Variants in PDE4D observed in about 807,000 individuals in gnomAD.
PDE4D encodes the protein 3',5'-cyclic-AMP phosphodiesterase 4D.
PDE4D carries 24 observed loss-of-function variants against 87.4 expected under a neutral mutation model. The ratio of observed to expected loss-of-function variants is 0.27; its 90% CI spans 0.20 to 0.39. The LOEUF is 0.39. PDE4D is among the 10% of genes least tolerant of loss of function. The probability of loss-of-function intolerance (pLI) is 1.00; values close to 1 mark genes in which losing one functional copy is unlikely to be tolerated. For synonymous variants in PDE4D, 384 were observed against 383.2 expected (o/e 1.00, Z -0.02); for missense variants, 714 against 1,041.0 (o/e 0.69, Z 4.32).
At chr5:59,481,043 C>T (rs1323659362) in intron 1 of PDE4D, among the ~76,000 whole-genome samples, 2 of 152,068 alleles carry the variant, frequency 1.3e-5, no homozygotes, top group Admixed American at 1.3e-4. Context: ...AGTAGAAGTC[C>T]TAACAAGGCC....
chr5:60,077,644 T>A (rs1293904335), intron 2 of PDE4D, among the ~76,000 whole-genome samples: 2 of 152,054 alleles, frequency 1.3e-5, no homozygotes, highest in African/African-American at 4.8e-5. Flanking sequence ...AGGGCTACAG[T>A]CTCCTATGGA....
chr5:60,452,136 C>T (rs190520614), intron 1 of PDE4D, among the ~76,000 whole-genome samples: 32 of 152,078 alleles, frequency 2.1e-4, no homozygotes, highest in Non-Finnish European at 3.4e-4. Flanking sequence ...GAAGAAAAGC[C>T]TCAGGATTTG....
chr5:59,435,398 TG>T (rs1483682763), intron 1 of PDE4D, among the ~76,000 whole-genome samples: 10 of 152,210 alleles, frequency 6.6e-5, no homozygotes, highest in African/African-American at 2.4e-4. Flanking sequence ...CACTTGGTAG[TG>T]TCTTTCCTGT....
At chr5:60,114,557 G>A (rs533005356) in intron 2 of PDE4D, among the ~76,000 whole-genome samples, 1 of 152,142 alleles carries the variant, frequency 6.6e-6, no homozygotes, top group South Asian at 2.1e-4. Flanking sequence ...ACAAACCAGA[G>A]AACATAATTA....
intron 1 of PDE4D, among the ~76,000 whole-genome samples, chr5:60,418,303 T>C (rs37708): frequency 0.34 from 52,059 of 151,970 alleles, 9,371 homozygotes; most frequent in South Asian, 0.51. Flanking sequence ...ATATGTTATA[T>C]CCCTATTTTT....
At position 59,113,658 on chromosome 5, in the gene PDE4D, C is replaced by T. The variant is rs180942542; in HGVS notation, c.808+66937G>A. 2.3e-3 allele frequency among the ~76,000 whole-genome samples: 349 copies of T among 152,246 alleles called. 1 individual carries two copies. Among genetic ancestry groups the T allele is most frequent in the Admixed American group, 3.9e-3 (59 of 15,288 alleles). ...CTGGTAGAAAGGATGCCCTAGGGTA[C>T]AACAAAAGGCAGATAAGCATTGTGT... is the stretch of plus-strand genomic sequence containing the variant. On this transcript the variant is annotated intron_variant, in intron 5 of 14. Transcript: ENST00000340635.
In PDE4D at chr5:59,031,362, GATATATAT is replaced by G. The variant is rs137969980; in HGVS notation, c.921+7489_921+7496del. 5.7e-4 allele frequency among the ~76,000 whole-genome samples: 64 copies of G among 111,868 alleles called. 1 individual carries two copies. The highest frequency in any genetic ancestry group is 7.0e-4 in the Non-Finnish European group (40 of 57,370). 73.4% of individuals were successfully genotyped at this position (111,868 alleles called of 152,430 possible). On this transcript the variant is annotated intron_variant, in intron 6 of 14. Coordinates refer to ENST00000340635, the MANE Select transcript of PDE4D (RefSeq NM_001104631.2). ...CATCAAGTGTGCATAAAGAAAATGT[GATATATAT>G]ATATATATATATATATATATATTAT...
intron 1 of PDE4D, among the ~76,000 whole-genome samples, chr5:59,547,290 T>C (rs2153686285): frequency 6.6e-6 from 1 of 152,286 alleles, no homozygotes; most frequent in South Asian, 2.1e-4. Flanking sequence ...TGAACTTCTA[T>C]CAGTTTTTTA....
rs530123806 is a variant in PDE4D at position 59,163,404 on chromosome 5, C to T, written c.808+17191G>A. 3.1e-3 allele frequency among the ~76,000 whole-genome samples: 464 copies of T among 150,986 alleles called. 2 individuals are homozygous for T. The highest frequency in any genetic ancestry group is 0.011 in the African/African-American group (441 of 41,122). ...CTCCTGCCTCAGTCTCCCGAGTAGC[C>T]GGGATTACAGGCATGTGCCACCACG... is the stretch of plus-strand genomic sequence containing the variant. On this transcript the variant is annotated intron_variant, in intron 5 of 14. Coordinates refer to ENST00000340635, the MANE Select transcript of PDE4D (RefSeq NM_001104631.2).
At chr5:59,873,564 C>T (rs1208777128) in intron 1 of PDE4D, among the ~76,000 whole-genome samples, 1 of 152,156 alleles carries the variant, frequency 6.6e-6, no homozygotes. Flanking sequence ...GTGAAATTAG[C>T]AATATTTTAC....
chr5:59,308,467 C>T (rs1304848346), intron 1 of PDE4D, among the ~76,000 whole-genome samples: 1 of 152,008 alleles, frequency 6.6e-6, no homozygotes, highest in African/African-American at 2.4e-5. Flanking sequence ...CTGAAAAAGA[C>T]TGTATCTTTC....
chr5:59,660,190 A>AAAATAAATAAAT (rs201345419), intron 1 of PDE4D, among the ~76,000 whole-genome samples: 1 of 151,620 alleles, frequency 6.6e-6, no homozygotes, highest in African/African-American at 2.4e-5. Context: ...CTCTGTCGCC[A>AAAATAAATAAAT]AAATAAATAA....
chr5:59,248,789 G>A (rs1759371384), intron 1 of PDE4D, among the ~76,000 whole-genome samples: 1 of 151,946 alleles, frequency 6.6e-6, no homozygotes. Context: ...AGCAAAGTAG[G>A]GCACATGTAA....
In PDE4D at chr5:59,678,101, C is replaced by T. The variant is rs189527674; in HGVS notation, c.455+215067G>A. ...CTAAAATGATAAACTCATCCTCTAA[C>T]AATTGATCAAATACCTTAAACTCAG... On this transcript the variant is annotated intron_variant, in intron 1 of 14. Coordinates refer to ENST00000340635, the MANE Select transcript of PDE4D (RefSeq NM_001104631.2). 4.4e-4 allele frequency among the ~76,000 whole-genome samples: 67 copies of T among 152,242 alleles called. 1 individual carries two copies. The highest frequency in any genetic ancestry group is 2.9e-3 in the Admixed American group (44 of 15,298).
At chr5:59,400,638 A>G (rs1369979742) in intron 1 of PDE4D, among the ~76,000 whole-genome samples, 1 of 150,830 alleles carries the variant, frequency 6.6e-6, no homozygotes, top group East Asian at 2.0e-4. Context: ...ATGCTAGATG[A>G]CGAGTTAGTG....
intron 1 of PDE4D, among the ~76,000 whole-genome samples, chr5:60,484,160 A>C (rs191527387): frequency 6.6e-6 from 1 of 151,778 alleles, no homozygotes; most frequent in Admixed American, 6.6e-5. Flanking sequence ...CCTTAGCAAA[A>C]TTTAATAATG....
At chr5:59,488,791 G>A (rs1296687683) in intron 1 of PDE4D, among the ~76,000 whole-genome samples, 3 of 151,500 alleles carry the variant, frequency 2.0e-5, no homozygotes, top group Non-Finnish European at 4.4e-5. Flanking sequence ...GTATTTTCAT[G>A]GTAAAATATT....
At chr5:59,967,326 G>A (rs1369289) in intron 3 of PDE4D, among the ~76,000 whole-genome samples, 131,141 of 152,142 alleles carry the variant, frequency 0.86, 56,580 homozygotes, top group East Asian at 0.97. Context: ...GTAAACAGAA[G>A]ACCTGCAAAA....
chr5:60,441,984 T>C (rs1474073740), intron 1 of PDE4D, among the ~76,000 whole-genome samples: 2 of 152,186 alleles, frequency 1.3e-5, no homozygotes, highest in African/African-American at 4.8e-5. Flanking sequence ...GCTTTTACAC[T>C]GTTGGTGGGA....
Sources: allele counts gnomAD v4.1 joint callset (sites outside exome capture counted in the v4.1 genomes callset), GRCh38; gene constraint gnomAD v4.1.1; transcripts MANE v1.5; gene names NCBI Gene and HGNC (gene_info 2026-07-23, HGNC 2026-07-21).